PRKCE: variants seen among roughly 807,000 people sequenced by gnomAD.
PRKCE encodes the protein protein kinase C epsilon, also known as protein kinase C epsilon type.
Under a neutral mutation model 85.4 loss-of-function variants are expected in PRKCE, and 16 were observed. The ratio of observed to expected loss-of-function variants is 0.19; its 90% confidence interval spans 0.13 to 0.28. PRKCE has a LOEUF of 0.28. Ranked by LOEUF, PRKCE falls within the 10% of genes least tolerant of loss-of-function variation. The pLI is 1.00. For missense variants in PRKCE, 573 were observed against 975.2 expected, an observed-to-expected ratio of 0.59 and a Z score of 5.49; for synonymous variants, 388 against 371.5, an observed-to-expected ratio of 1.04 and a Z score of -0.51.
intron 1 of PRKCE, among the ~76,000 whole-genome samples, chr2:45,668,904 C>T (rs1676033039): frequency 1.3e-5 from 2 of 152,064 alleles, no homozygotes; most frequent in East Asian, 1.9e-4. Context: ...ATGGAGAAAC[C>T]GAGGATAAAG....
intron 1 of PRKCE, among the ~76,000 whole-genome samples, chr2:45,721,319 C>T (rs1173422959): frequency 6.6e-6 from 1 of 152,194 alleles, no homozygotes; most frequent in Non-Finnish European, 1.5e-5. Flanking sequence ...AAGCAAGACA[C>T]ACCCACAGGG....
intron 14 of PRKCE, chr2:46,166,921 G>A (rs1348097716): frequency 6.6e-6 from 1 of 152,178 alleles, no homozygotes; most frequent in Non-Finnish European, 1.5e-5. Context: ...AGCTCAGGAG[G>A]TTGAGGCTGT....
intron 10 of PRKCE, among the ~76,000 whole-genome samples, chr2:46,084,718 C>CAAAAAAAAAAAAAAAAAAAAAAAAAA (rs11314680): frequency 1.1e-5 from 1 of 92,236 alleles, no homozygotes; most frequent in Non-Finnish European, 2.1e-5. Context: ...GAGACTCCAT[C>CAAAAAAAAAAAAAAAAAAAAAAAAAA]AAAAAAAAAA....
intron 2 of PRKCE, among the ~76,000 whole-genome samples, chr2:45,859,655 T>C (rs1396111458): frequency 6.6e-6 from 1 of 152,246 alleles, no homozygotes; most frequent in African/African-American, 2.4e-5. Flanking sequence ...TTTTGTCTAT[T>C]TCTTAGTGCT....
intron 1 of PRKCE, among the ~76,000 whole-genome samples, chr2:45,765,041 A>G (rs1005143617): frequency 6.6e-6 from 1 of 152,126 alleles, no homozygotes; most frequent in Non-Finnish European, 1.5e-5. Flanking sequence ...TTGGCCTGGT[A>G]CAGTCCAAAA....
chr2:46,151,318 CACACA>C, intron 13 of PRKCE, 89 bp downstream of exon 13: 4 of 1,171,240 alleles, frequency 3.4e-6, no homozygotes, highest in East Asian at 2.5e-5. Flanking sequence ...CACACACACA[CACACA>C]CTCCCTTCTC....
At chr2:46,052,732 T>C (rs972903029) in intron 10 of PRKCE, among the ~76,000 whole-genome samples, 1 of 152,204 alleles carries the variant, frequency 6.6e-6, no homozygotes, top group Non-Finnish European at 1.5e-5. Context: ...TTGGAGGACT[T>C]AAATTCCTGG....
chr2:46,158,705 T>G (rs1212439766), intron 13 of PRKCE, among the ~76,000 whole-genome samples: 1 of 152,262 alleles, frequency 6.6e-6, no homozygotes, highest in Non-Finnish European at 1.5e-5. Context: ...CTTCACACTA[T>G]GAAATGTGAC....
rs1168283045 is a variant in PRKCE, at chr2:46,184,986, G to T, written c.*105G>T. On this transcript the variant is annotated 3_prime_UTR_variant, in exon 15 of 15. Coordinates refer to ENST00000306156, the MANE Select transcript of PRKCE (RefSeq NM_005400.3). The surrounding 1 kb of genome is among the most constrained non-coding windows in gnomAD (Gnocchi z 5.0). ...TCTTGAACTACTTCTCCTCCTCGGA[G>T]CCCCAGTCCCATGTCCACTGTCTAT... The T allele has an allele frequency of 4.9e-6, 7 of 1,441,412 alleles. No homozygotes were observed. In the East Asian group the frequency reaches 1.6e-4, roughly 33 times the overall value. 89.3% of individuals were successfully genotyped at this position (1,441,412 alleles called of 1,614,324 possible). A position where few individuals can be genotyped will look rare whatever the true frequency, so the allele number is the denominator to read the frequency against.
At chr2:46,109,339 CTT>C (rs1672037726) in intron 11 of PRKCE, among the ~76,000 whole-genome samples, 1 of 152,044 alleles carries the variant, frequency 6.6e-6, no homozygotes, top group African/African-American at 2.4e-5. Flanking sequence ...TGAAATAACT[CTT>C]TATTTATTTA....
intron 1 of PRKCE, among the ~76,000 whole-genome samples, chr2:45,750,537 C>T (rs192398571): frequency 6.8e-4 from 104 of 152,284 alleles, no homozygotes; most frequent in South Asian, 2.5e-3. Flanking sequence ...GAGACTGCAC[C>T]GGGCTGATGC....
intron 11 of PRKCE, among the ~76,000 whole-genome samples, chr2:46,089,815 G>C (rs1304348112): frequency 3.3e-5 from 5 of 152,116 alleles, no homozygotes; most frequent in Non-Finnish European, 1.5e-5. Context: ...ATGACCTTTT[G>C]GCCCTTATCC....
At chr2:45,830,967 C>A (rs749845208) in intron 1 of PRKCE, among the ~76,000 whole-genome samples, 1 of 152,156 alleles carries the variant, frequency 6.6e-6, no homozygotes, top group African/African-American at 2.4e-5. Context: ...ATTTCCAAGA[C>A]AGTGGCTGCA....
At chr2:45,963,132 G>A (rs1310691791) in intron 2 of PRKCE, among the ~76,000 whole-genome samples, 3 of 152,036 alleles carry the variant, frequency 2.0e-5, no homozygotes, top group East Asian at 1.9e-4. Flanking sequence ...GGCCTGGGTC[G>A]ATAGAAGGGA....
At chr2:45,978,149 G>C (rs1415633399) in intron 3 of PRKCE, 1 of 152,328 alleles carries the variant, frequency 6.6e-6, no homozygotes, top group Non-Finnish European at 1.5e-5. Flanking sequence ...CAATTACCAG[G>C]GCAGACCCAG....
intron 6 of PRKCE, among the ~76,000 whole-genome samples, chr2:45,997,552 T>TA (rs1164145054): frequency 1.3e-5 from 2 of 152,208 alleles, no homozygotes; most frequent in South Asian, 2.1e-4. Flanking sequence ...TTATTTTATT[T>TA]ATTTATTTTT....
At chr2:45,706,252 G>C (rs1226022215) in intron 1 of PRKCE, among the ~76,000 whole-genome samples, 2 of 152,132 alleles carry the variant, frequency 1.3e-5, no homozygotes, top group African/African-American at 4.8e-5. Context: ...AAGAGAAAGA[G>C]GCTGTGAAAT....
intron 2 of PRKCE, among the ~76,000 whole-genome samples, chr2:45,946,118 C>T (rs933992825): frequency 5.3e-5 from 8 of 152,214 alleles, no homozygotes. Flanking sequence ...CAGATACCAA[C>T]CAAGGTGGCC....
chr2:46,021,349 G>A (rs1260614410), intron 10 of PRKCE, among the ~76,000 whole-genome samples: 1 of 152,202 alleles, frequency 6.6e-6, no homozygotes, highest in Non-Finnish European at 1.5e-5. Flanking sequence ...TTAAATCATA[G>A]CCTGACAGCT....
Sources: gnomAD v4.1 joint callset for allele counts (sites outside exome capture counted in the v4.1 genomes callset) on GRCh38, gnomAD v4.1.1 for gene constraint, Gnocchi (gnomAD v3.1) non-coding constraint, MANE v1.5 for transcripts, NCBI Gene and HGNC (gene_info 2026-07-23, HGNC 2026-07-21) for gene names.